Variants in PALLD observed in about 807,000 individuals in gnomAD.
The protein encoded by PALLD is palladin.
Under a neutral mutation model 123.5 loss-of-function variants are expected in PALLD, and 61 were observed. The ratio of observed to expected loss-of-function variants is 0.49; its 90% CI spans 0.40 to 0.61. The LOEUF (loss-of-function observed/expected upper bound fraction) is 0.61, where lower values mean the gene tolerates loss of function less well. PALLD is among the 20% of genes least tolerant of loss of function. PALLD has a pLI of 0.00. For synonymous variants in PALLD, 465 were observed against 496.4 expected (o/e 0.94, Z 0.84); for missense variants, 1,273 against 1,377.0 (o/e 0.92, Z 1.20).
Position 168,512,291 on chromosome 4 carries a change from A to C in PALLD, c.787A>C (p.Ser263Arg). ...CCGCAAGTCTCACCCACAGCCCCAC[A>C]GCGCCCTCCACTTCCCAGCTGCACC... The part of the protein sequence containing the change: ...HNRKSHPQPH[S>R]ALHFPAAPRF... The change falls in exon 2 of 22, where the codon AGC becomes CGC. Residue 263 changes from serine (S) to arginine (R), a missense_variant. By Grantham distance (110) the Ser-to-Arg change is moderately radical. Transcript: ENST00000505667. The C allele has an allele frequency of 6.2e-7, 1 of 1,614,190 alleles. No homozygotes were observed. Among genetic ancestry groups the C allele is most frequent in the Non-Finnish European group, 8.5e-7 (1 of 1,180,032 alleles).
chr4:168,890,799 T>A (rs769138351), intron 10 of PALLD, 123 bp from the exon 11 acceptor site: 16 of 962,706 alleles, frequency 1.7e-5, no homozygotes, highest in Non-Finnish European at 2.5e-5. Context: ...GCAACAGATG[T>A]AGCATAAAAA....
intron 2 of PALLD, among the ~76,000 whole-genome samples, chr4:168,626,429 A>T (rs1322686843): frequency 3.6e-5 from 5 of 139,814 alleles, no homozygotes; most frequent in Non-Finnish European, 6.1e-5. Context: ...AAAGGTGGTG[A>T]CTGGGCACTG....
intron 10 of PALLD, among the ~76,000 whole-genome samples, chr4:168,753,154 A>C (rs1350084667): frequency 6.6e-6 from 1 of 152,212 alleles, no homozygotes; most frequent in Non-Finnish European, 1.5e-5. Flanking sequence ...ACTCACAAGC[A>C]GCAAATGCTA....
At position 168,521,873 on chromosome 4, in the gene PALLD, T is replaced by A. The variant is rs113173761; in HGVS notation, c.908+9461T>A. ...CCCTTGGTCTCTGTATAACATACTATTTTTTTTATACATTTTTACCTCACT... is the reference window on the plus strand; with the variant it reads ...CCCTTGGTCTCTGTATAACATACTAATTTTTTTATACATTTTTACCTCACT... On this transcript the variant is annotated intron_variant, in intron 2 of 21. Coordinates refer to ENST00000505667, the MANE Select transcript of PALLD (RefSeq NM_001166108.2). Among the ~76,000 whole-genome samples, 621 of 151,328 alleles carry A rather than the reference T, an allele frequency of 4.1e-3. 2 individuals are homozygous for A. The highest frequency in any genetic ancestry group is 0.014 in the African/African-American group (585 of 41,036).
At chr4:168,823,177 A>G (rs1742966455) in intron 10 of PALLD, among the ~76,000 whole-genome samples, 1 of 152,040 alleles carries the variant, frequency 6.6e-6, no homozygotes, top group African/African-American at 2.4e-5. Context: ...TAAAATTAAA[A>G]TTTTTTCTTG....
intron 2 of PALLD, among the ~76,000 whole-genome samples, chr4:168,596,322 A>G (rs1771970310): frequency 6.6e-6 from 1 of 152,130 alleles, no homozygotes; most frequent in Non-Finnish European, 1.5e-5. Context: ...TAAGGGTGTG[A>G]TTATTTATTC....
rs1731384283 is a variant in PALLD, at chr4:168,753,752, C to T, written c.1964+41829C>T. Among the ~76,000 whole-genome samples, 3 of 152,286 alleles carry T rather than the reference C, an allele frequency of 2.0e-5. No individual in the cohort carries two copies. The South Asian group carries it at 6.2e-4, about 32-fold the overall frequency. On this transcript the variant is annotated intron_variant, in intron 10 of 21. Coordinates refer to ENST00000505667, the MANE Select transcript of PALLD (RefSeq NM_001166108.2). ...GTGACGACCAGCACCAACTTGCCAGCCGTGTGACCGAACCACCTTGGCAAT... is the reference window on the plus strand; with the variant it reads ...GTGACGACCAGCACCAACTTGCCAGTCGTGTGACCGAACCACCTTGGCAAT...
At chr4:168,745,276 C>G (rs1203050481) in intron 10 of PALLD, among the ~76,000 whole-genome samples, 1 of 152,074 alleles carries the variant, frequency 6.6e-6, no homozygotes, top group Non-Finnish European at 1.5e-5. Context: ...AAAGCTGGAG[C>G]CTAGGACCCA....
At chr4:168,499,029 C>A (rs1761044331) in intron 1 of PALLD, among the ~76,000 whole-genome samples, 1 of 151,522 alleles carries the variant, frequency 6.6e-6, no homozygotes, top group Non-Finnish European at 1.5e-5. Flanking sequence ...AATATATCTG[C>A]CTGCATTGAC....
intron 1 of PALLD, among the ~76,000 whole-genome samples, chr4:168,497,694 A>G (rs1760894371): frequency 2.6e-5 from 4 of 152,232 alleles, no homozygotes; most frequent in Admixed American, 2.6e-4. Context: ...GACATAATTA[A>G]ATGAGTTGGG....
At chr4:168,668,917 T>C (rs924304850) in intron 3 of PALLD, among the ~76,000 whole-genome samples, 6 of 152,218 alleles carry the variant, frequency 3.9e-5, no homozygotes, top group African/African-American at 1.4e-4. Context: ...CTATTTCTGT[T>C]GTTCTGTTCA....
intron 10 of PALLD, among the ~76,000 whole-genome samples, chr4:168,778,256 G>A (rs905211768): frequency 8.1e-4 from 124 of 152,176 alleles, no homozygotes; most frequent in African/African-American, 2.6e-3. Flanking sequence ...CTGGGAGACA[G>A]TGGGAGGATG....
At chr4:168,750,258 A>C (rs143039066) in intron 10 of PALLD, among the ~76,000 whole-genome samples, 1,893 of 152,272 alleles carry the variant, frequency 0.012, 14 homozygotes, top group Non-Finnish European at 0.019. Context: ...GTTTCCACTT[A>C]TAAGCGAGAA....
intron 10 of PALLD, among the ~76,000 whole-genome samples, chr4:168,728,458 G>A (rs1046187414): frequency 6.6e-6 from 1 of 151,996 alleles, no homozygotes; most frequent in Non-Finnish European, 1.5e-5. Context: ...TATTTTCTTT[G>A]TGAATATTGT....
At chr4:168,656,438 T>C (rs1301829553) in intron 2 of PALLD, among the ~76,000 whole-genome samples, 1 of 152,066 alleles carries the variant, frequency 6.6e-6, no homozygotes, top group Non-Finnish European at 1.5e-5. Context: ...ACAGATGGGG[T>C]GGGAACCTTT....
intron 10 of PALLD, among the ~76,000 whole-genome samples, chr4:168,754,761 G>A (rs965597061): frequency 6.6e-6 from 1 of 152,116 alleles, no homozygotes; most frequent in African/African-American, 2.4e-5. Flanking sequence ...TTCAAAGAAT[G>A]CCTAGTGTGC....
intron 10 of PALLD, among the ~76,000 whole-genome samples, chr4:168,809,068 A>G (rs1212874448): frequency 6.6e-6 from 1 of 152,196 alleles, no homozygotes; most frequent in South Asian, 2.1e-4. Context: ...AATACATCCA[A>G]TATTGGAAGC....
Position 168,915,889 on chromosome 4 carries a change from T to C in PALLD, c.2718-6T>C. ...TCTATCTATCTGTCATCTTTCTTGT[T>C]TCAAGGCCTCGTTCTAGATCAAGGG... On this transcript the variant is annotated splice_polypyrimidine_tract_variant and splice_region_variant and intron_variant, in intron 16 of 21. Transcript: ENST00000505667. 1 of 1,611,532 alleles carries C rather than the reference T, an allele frequency of 6.2e-7. No homozygotes were observed. Among genetic ancestry groups the C allele is most frequent in the Non-Finnish European group, 8.5e-7 (1 of 1,177,614 alleles).
At chr4:168,676,785 T>C (rs948227262) in intron 3 of PALLD, among the ~76,000 whole-genome samples, 14 of 151,886 alleles carry the variant, frequency 9.2e-5, no homozygotes, top group South Asian at 2.1e-4. Context: ...TTCACCGTGT[T>C]AGCCAGGATG....
Sources: allele counts gnomAD v4.1 joint callset (sites outside exome capture counted in the v4.1 genomes callset), GRCh38; gene constraint gnomAD v4.1.1; transcripts MANE v1.5; gene names NCBI Gene and HGNC (gene_info 2026-07-23, HGNC 2026-07-21).